The following TLL2 variants were observed in gnomAD, a reference collection of about 807,000 sequenced individuals.
The protein encoded by TLL2 is tolloid like 2.
Under a neutral mutation model 123.0 loss-of-function variants are expected in TLL2, and 106 were observed. The ratio of observed to expected loss-of-function variants is 0.86; its 90% CI spans 0.74 to 1.01. TLL2 has a LOEUF of 1.01. Ranked by LOEUF, TLL2 falls within the 50% of genes least tolerant of loss-of-function variation. The pLI is 0.00. For synonymous variants in TLL2, 494 were observed against 516.8 expected (o/e 0.96, Z 0.60); for missense variants, 1,332 against 1,336.7 (o/e 1.00, Z 0.06).
At chr10:96,465,546 G>T (rs758006633) in intron 2 of TLL2, among the ~76,000 whole-genome samples, 1 of 152,190 alleles carries the variant, frequency 6.6e-6, no homozygotes, top group Non-Finnish European at 1.5e-5. Flanking sequence ...AAGAAAAGAG[G>T]CACCAGAAGA....
At chr10:96,372,522 T>C (rs111975217) in intron 19 of TLL2, among the ~76,000 whole-genome samples, 16 of 152,332 alleles carry the variant, frequency 1.1e-4, no homozygotes, top group African/African-American at 3.8e-4. Context: ...TTCCTGACAT[T>C]CTTCTACTTA....
At chr10:96,505,022 T>A (rs866713798) in intron 1 of TLL2, among the ~76,000 whole-genome samples, 147 of 117,078 alleles carry the variant, frequency 1.3e-3, no homozygotes, top group African/African-American at 3.0e-3. Flanking sequence ...AAATAAAAAA[T>A]AAATAAATAA....
At chr10:96,466,959 G>C (rs1309510159) in intron 2 of TLL2, among the ~76,000 whole-genome samples, 1 of 152,144 alleles carries the variant, frequency 6.6e-6, no homozygotes, top group Non-Finnish European at 1.5e-5. Context: ...ACATCTTCAA[G>C]GTCTGTCATG....
chr10:96,420,846 G>GC (rs2134075098), intron 7 of TLL2, 110 bp downstream of exon 7: 4 of 871,202 alleles, frequency 4.6e-6, no homozygotes, highest in Middle Eastern at 4.8e-4. Flanking sequence ...AGACAGGCCA[G>GC]CCGTGCTAGA....
intron 7 of TLL2, among the ~76,000 whole-genome samples, chr10:96,418,060 G>A (rs1846581857): frequency 6.6e-6 from 1 of 152,148 alleles, no homozygotes; most frequent in Non-Finnish European, 1.5e-5. Flanking sequence ...CTCCCTCCTA[G>A]AGATTCTGGG....
intron 1 of TLL2, among the ~76,000 whole-genome samples, chr10:96,500,146 A>T (rs900889270): frequency 1.5e-4 from 1 of 6,552 alleles, no homozygotes; most frequent in Non-Finnish European, 4.8e-4. Flanking sequence ...ATCTCTACCA[A>T]AAAAAAAAAA....
At chr10:96,419,458 T>C (rs1473635477) in intron 7 of TLL2, among the ~76,000 whole-genome samples, 1 of 151,548 alleles carries the variant, frequency 6.6e-6, no homozygotes, top group East Asian at 1.9e-4. Flanking sequence ...GAACCCGGCT[T>C]CTGCCTCTCA....
intron 2 of TLL2, among the ~76,000 whole-genome samples, chr10:96,450,925 A>G (rs889774766): frequency 2.0e-5 from 3 of 152,214 alleles, no homozygotes; most frequent in Admixed American, 6.5e-5. Flanking sequence ...GAGGATATGC[A>G]AAGACCTTGT....
At chr10:96,496,831 A>G (rs1166368376) in intron 1 of TLL2, among the ~76,000 whole-genome samples, 1 of 152,156 alleles carries the variant, frequency 6.6e-6, no homozygotes, top group Non-Finnish European at 1.5e-5. Flanking sequence ...ACCCCACTCA[A>G]TGGGTGGTGC....
chr10:96,412,719 C>T (rs942882435), intron 8 of TLL2, among the ~76,000 whole-genome samples: 1 of 152,194 alleles, frequency 6.6e-6, no homozygotes, highest in African/African-American at 2.4e-5. Flanking sequence ...GAGACTCCCT[C>T]CACCTTGTAG....
chr10:96,390,974 A>T (rs1466582086), intron 13 of TLL2, among the ~76,000 whole-genome samples: 1 of 152,262 alleles, frequency 6.6e-6, no homozygotes. Flanking sequence ...TACAATAAAT[A>T]AAAATATCAT....
Position 96,367,795 on chromosome 10 carries a change from T to C in TLL2, c.*293A>G. ...TAGGAGCAAGGGACAAGGAGAATGG[T>C]ATGAAGAAGCATAGCCGGAATGGTC... On this transcript the variant is annotated 3_prime_UTR_variant, in exon 21 of 21. Coordinates refer to ENST00000357947, the MANE Select transcript of TLL2 (RefSeq NM_012465.4). 1 of 312,586 alleles carries C rather than the reference T, an allele frequency of 3.2e-6. No individual in the cohort carries two copies. Among genetic ancestry groups the C allele is most frequent in the South Asian group, 4.3e-5 (1 of 23,040 alleles). The allele number at this position is 312,586 out of a possible 1,614,324, so 19.4% of individuals were successfully genotyped here.
At chr10:96,385,881 C>T (rs756638577) in intron 15 of TLL2, among the ~76,000 whole-genome samples, 174 bp downstream of exon 15, 12 of 152,272 alleles carry the variant, frequency 7.9e-5, no homozygotes, top group South Asian at 2.1e-4. Context: ...AGAGGGCGTG[C>T]GGCTGAAACT....
intron 15 of TLL2, among the ~76,000 whole-genome samples, chr10:96,385,050 A>G (rs1397929108): frequency 6.6e-6 from 1 of 152,196 alleles, no homozygotes; most frequent in Non-Finnish European, 1.5e-5. Flanking sequence ...TTTATTTTAT[A>G]TATTAGGCTT....
intron 1 of TLL2, among the ~76,000 whole-genome samples, chr10:96,512,529 ATTC>A (rs1847641964): frequency 6.6e-6 from 1 of 152,090 alleles, no homozygotes; most frequent in South Asian, 2.1e-4. Context: ...TTCCCTCCCC[ATTC>A]TTCTCTGCCG....
In TLL2 at chr10:96,421,068, C is replaced by T. The variant is rs765827324; in HGVS notation, c.818-7G>A. ...AAGAAATTATACTCCTGACCTGTGA[C>T]ACAACACTGTGTTAAGCCCTTTGAA... On this transcript the variant is annotated splice_region_variant and splice_polypyrimidine_tract_variant and intron_variant, in intron 6 of 20. Coordinates refer to ENST00000357947, the MANE Select transcript of TLL2 (RefSeq NM_012465.4). The T allele has an allele frequency of 1.2e-6, 2 of 1,611,182 alleles. No individual in the cohort carries two copies. The highest frequency in any genetic ancestry group is 1.7e-5 in the Admixed American group (1 of 60,016).
chr10:96,375,093 C>G (rs763157454), intron 18 of TLL2, among the ~76,000 whole-genome samples: 14 of 151,976 alleles, frequency 9.2e-5, no homozygotes, highest in Non-Finnish European at 1.8e-4. Flanking sequence ...CACTAACGTA[C>G]TTGGGCAAAG....
chr10:96,406,379 C>T (rs867037279), intron 9 of TLL2, among the ~76,000 whole-genome samples: 72 of 152,244 alleles, frequency 4.7e-4, no homozygotes, highest in African/African-American at 1.6e-3. Flanking sequence ...CACACCTGCT[C>T]CATCACGTCT....
intron 2 of TLL2, among the ~76,000 whole-genome samples, chr10:96,471,994 C>A (rs1484321521): frequency 6.6e-6 from 1 of 152,126 alleles, no homozygotes; most frequent in Admixed American, 6.5e-5. Context: ...ATGTCACGCA[C>A]AACATACTTA....
Sources: allele counts gnomAD v4.1 joint callset (sites outside exome capture counted in the v4.1 genomes callset), GRCh38; gene constraint gnomAD v4.1.1; transcripts MANE v1.5; gene names NCBI Gene and HGNC (gene_info 2026-07-23, HGNC 2026-07-21).